The following VMA21 variants were observed in gnomAD, a reference collection of about 807,000 sequenced individuals.
The protein encoded by VMA21 is vacuolar ATPase assembly integral membrane protein VMA21.
For synonymous variants in VMA21, 47 were observed against 34.1 expected (o/e 1.38, Z -1.32); for missense variants, 61 against 80.6 (o/e 0.76, Z 0.93).
At chrX:151,400,600 C>T (rs1312536888) in intron 1 of VMA21, among the ~76,000 whole-genome samples, 1 of 112,038 alleles carries the variant, frequency 8.9e-6, no homozygotes, top group Non-Finnish European at 1.9e-5. Context: ...TGTGGTAGTT[C>T]TATTTTTAAT....
At position 151,397,319 on chromosome X, in the gene VMA21, C is replaced by G. The variant is rs1465930949; in HGVS notation, c.11C>G (p.Pro4Arg). The change falls in exon 1 of 3, where the codon CCG becomes CGG. Residue 4 changes from proline to arginine, a missense_variant. By Grantham distance (103) the Pro-to-Arg change is moderately radical. Coordinates refer to ENST00000330374, the MANE Select transcript of VMA21 (RefSeq NM_001017980.4). The part of the protein sequence containing the change: MER[P>R]DKAALNALQP... ...CGGCACGGCTACACCATGGAGCGCC[C>G]GGATAAGGCGGCGCTGAACGCACTG... 21 of 1,160,850 alleles carry G rather than the reference C, an allele frequency of 1.8e-5. No individual in the cohort carries two copies. Among genetic ancestry groups the G allele is most frequent in the Non-Finnish European group, 2.3e-5 (20 of 872,413 alleles).
intron 1 of VMA21, among the ~76,000 whole-genome samples, chrX:151,401,811 A>G (rs1380376554): frequency 9.0e-6 from 1 of 111,298 alleles, no homozygotes; most frequent in East Asian, 2.8e-4. Context: ...AAGTGCCCCA[A>G]TCACTGCTCA....
chrX:151,397,279 G>A lies in VMA21; in HGVS notation c.-30G>A, dbSNP rs1451694133. 1.7e-6 allele frequency: 2 copies of A among 1,151,622 alleles called. No individual in the cohort carries two copies. Among genetic ancestry groups the A allele is most frequent in the Non-Finnish European group, 2.3e-6 (2 of 868,474 alleles). 94.9% of individuals were successfully genotyped at this position (1,151,622 alleles called of 1,213,427 possible). A position where few individuals can be genotyped will look rare whatever the true frequency, so the allele number is the denominator to read the frequency against. ...CGCGGCCGCCGAGCCCAGCTCCGCC[G>A]CCGAGCGCCTGTGCCGGCACGGCTA... On this transcript the variant is annotated 5_prime_UTR_variant, in exon 1 of 3. Coordinates refer to ENST00000330374, the MANE Select transcript of VMA21 (RefSeq NM_001017980.4).
chrX:151,406,958 C>T lies in VMA21; in HGVS notation c.*1900C>T, dbSNP rs745608094. The T allele has an allele frequency of 8.9e-6, 1 of 112,357 alleles. No homozygotes were observed. Among genetic ancestry groups the T allele is most frequent in the East Asian group, 2.8e-4 (1 of 3,580 alleles). The allele number at this position is 112,357 out of a possible 1,213,427, so 9.3% of individuals were successfully genotyped here. On this transcript the variant is annotated 3_prime_UTR_variant, in exon 3 of 3. Coordinates refer to ENST00000330374, the MANE Select transcript of VMA21 (RefSeq NM_001017980.4). Reference sequence around the variant, plus strand: ...GTTTTTAATTCTTGCTTAAAGACTACAATTTTAGTATAATGACATTTGAGT... The same window carrying T: ...GTTTTTAATTCTTGCTTAAAGACTATAATTTTAGTATAATGACATTTGAGT...
rs2011287534 is a variant in VMA21, at chrX:151,405,978, G to A, written c.*920G>A. ...TTTTCATCCAAAAAGTATTCTCCTT[G>A]GGCATATCTGATGGAAAAAAACCTT... On this transcript the variant is annotated 3_prime_UTR_variant, in exon 3 of 3. Transcript: ENST00000330374. 1 of 110,324 alleles carries A rather than the reference G, an allele frequency of 9.1e-6. No individual in the cohort carries two copies. Among genetic ancestry groups the A allele is most frequent in the Non-Finnish European group, 1.9e-5 (1 of 52,849 alleles). The allele number at this position is 110,324 out of a possible 1,213,427, so 9.1% of individuals were successfully genotyped here. A position where few individuals can be genotyped will look rare whatever the true frequency, so the allele number is the denominator to read the frequency against.
At chrX:151,396,717 G>A (rs1449367257), upstream of VMA21, 152 of 425,617 alleles carry the variant, frequency 3.6e-4, no homozygotes, top group Non-Finnish European at 1.8e-4. Flanking sequence ...AATTAATGAG[G>A]CATTTATTTG....
At chrX:151,398,414 GTTT>G (rs2124120663) in intron 1 of VMA21, among the ~76,000 whole-genome samples, 1 of 104,113 alleles carries the variant, frequency 9.6e-6, no homozygotes, top group South Asian at 4.2e-4. Flanking sequence ...TGTTCTTGTT[GTTT>G]AGTTCCCACT....
chrX:151,404,078 T>A lies in VMA21; in HGVS notation c.163+338T>A, dbSNP rs1204470569. Reference sequence around the variant, plus strand: ...GAAGTCCCCTTTTTGATGTTGAAATTTTTTTTTTTTTTTTGAGACAGTTTC... The same window carrying A: ...GAAGTCCCCTTTTTGATGTTGAAATATTTTTTTTTTTTTTGAGACAGTTTC... On this transcript the variant is annotated intron_variant, in intron 2 of 2. Coordinates refer to ENST00000330374, the MANE Select transcript of VMA21 (RefSeq NM_001017980.4). Among the ~76,000 whole-genome samples the A allele has an allele frequency of 1.7e-4, 4 of 23,765 alleles. No homozygotes were observed. In the African/African-American group the frequency reaches 3.2e-3, roughly 19 times the overall value. The allele number at this position is 23,765 out of a possible 115,157, so 20.6% of individuals were successfully genotyped here.
chrX:151,398,120 T>G (rs2011208441), intron 1 of VMA21, among the ~76,000 whole-genome samples: 1 of 109,366 alleles, frequency 9.1e-6, no homozygotes, highest in South Asian at 4.0e-4. Context: ...GCTCACTGAC[T>G]CCAAAGCCCA....
upstream of VMA21, chrX:151,397,183 G>C (rs780382979): frequency 8.0e-6 from 6 of 754,106 alleles, no homozygotes; most frequent in African/African-American, 4.5e-5. Flanking sequence ...CGGCGCGAAC[G>C]GGCACTTCCG....
chrX:151,397,092 A>C (rs1457475899), upstream of VMA21: 13 of 426,938 alleles, frequency 3.0e-5, no homozygotes, highest in Admixed American at 3.9e-4. Flanking sequence ...CGCGCCGGCA[A>C]CAGCCCTGCG....
At chrX:151,401,225 GT>G (rs1156935675) in intron 1 of VMA21, among the ~76,000 whole-genome samples, 1 of 111,528 alleles carries the variant, frequency 9.0e-6, no homozygotes, top group African/African-American at 3.3e-5. Context: ...TAAGAGTCCA[GT>G]TTTTTTCTTT....
upstream of VMA21, chrX:151,397,196 G>A: frequency 1.1e-6 from 1 of 906,641 alleles, no homozygotes; most frequent in Non-Finnish European, 1.5e-6. Context: ...CACTTCCGGC[G>A]CGAACCGCTA....
intron 1 of VMA21, among the ~76,000 whole-genome samples, chrX:151,400,279 T>TA (rs1207783737): frequency 9.4e-6 from 1 of 106,585 alleles, no homozygotes; most frequent in Admixed American, 1.0e-4. Flanking sequence ...TTTTTTTTTT[T>TA]AAAGATTCCA....
chrX:151,396,963 T>A (rs2124118297), upstream of VMA21: 2 of 521,549 alleles, frequency 3.8e-6, no homozygotes, highest in African/African-American at 2.3e-5. Context: ...GCGCGGCAAG[T>A]CCCGGCTCAA....
intron 2 of VMA21, among the ~76,000 whole-genome samples, chrX:151,404,492 C>G (rs998648477): frequency 2.7e-5 from 3 of 112,359 alleles, no homozygotes; most frequent in Admixed American, 9.3e-5. Flanking sequence ...GATCTCGGCT[C>G]GCGTCAAGCT....
rs148033471 is a variant in VMA21, at chrX:151,403,663, C to T, written c.86C>T (p.Thr29Met). The T allele has an allele frequency of 7.5e-6, 9 of 1,206,895 alleles. No homozygotes were observed. Among genetic ancestry groups the T allele is most frequent in the Admixed American group, 2.2e-5 (1 of 45,848 alleles). ...AGCTCATTAGCATCTACACTGAAGA[C>T]GCTCCTGTTCTTCACAGCTTTAATG... ...NESSLASTLK[T>M]LLFFTALMIT... is the part of the protein sequence containing the mutation. The change falls in exon 2 of 3, where the codon ACG (threonine) becomes ATG (methionine). Residue 29 changes from threonine (T) to methionine (M), a missense_variant. Coordinates refer to ENST00000330374, the MANE Select transcript of VMA21 (RefSeq NM_001017980.4).
chrX:151,408,953 T>G lies in VMA21; in HGVS notation c.*3895T>G. The stretch of plus-strand genomic sequence containing the variant: ...CCTTTTCCCCACGTTCAGTGTAATC[T>G]CACTGAACAGTAATAATAGCAATAG... On this transcript the variant is annotated 3_prime_UTR_variant, in exon 3 of 3. Transcript: ENST00000330374. The G allele has an allele frequency of 8.9e-6, 1 of 112,896 alleles. No individual in the cohort carries two copies. Among genetic ancestry groups the G allele is most frequent in the South Asian group, 3.7e-4 (1 of 2,724 alleles). The allele number at this position is 112,896 out of a possible 1,213,427, so 9.3% of individuals were successfully genotyped here. A position where few individuals can be genotyped will look rare whatever the true frequency, so the allele number is the denominator to read the frequency against.
At chrX:151,401,100 C>T (rs1215999579) in intron 1 of VMA21, among the ~76,000 whole-genome samples, 1 of 112,066 alleles carries the variant, frequency 8.9e-6, no homozygotes, top group African/African-American at 3.2e-5. Flanking sequence ...TCCAAAAAAT[C>T]ATTACTGAGG....
Sources: allele counts gnomAD v4.1 joint callset (sites outside exome capture counted in the v4.1 genomes callset), GRCh38; gene constraint gnomAD v4.1.1; transcripts MANE v1.5; gene names NCBI Gene and HGNC (gene_info 2026-07-23, HGNC 2026-07-21).